Variants in TTLL11 observed in about 807,000 individuals in gnomAD.
TTLL11 encodes tubulin polyglutamylase TTLL11.
TTLL11 carries 42 observed loss-of-function variants against 51.7 expected under a neutral mutation model. That is an observed-to-expected ratio of 0.81 (90% CI 0.64 to 1.05). The LOEUF is 1.05. Among genes scored for constraint, TTLL11 ranks in the 50% least tolerant of loss-of-function variants. The pLI is 0.00. For synonymous variants in TTLL11, 381 were observed against 383.5 expected, an observed-to-expected ratio of 0.99 and a Z score of 0.08; for missense variants, 799 against 940.4, an observed-to-expected ratio of 0.85 and a Z score of 1.97.
chr9:121,923,850 T>G (rs1409678076), intron 6 of TTLL11, among the ~76,000 whole-genome samples: 1 of 152,138 alleles, frequency 6.6e-6, no homozygotes, highest in African/African-American at 2.4e-5. Context: ...GCTAGAGAAG[T>G]GATATGGTTT....
rs193113647 is a variant in TTLL11 at position 121,941,908 on chromosome 9, C to A, written c.1481+32101G>T. On this transcript the variant is annotated intron_variant, in intron 6 of 8. Coordinates refer to ENST00000321582, the MANE Select transcript of TTLL11 (RefSeq NM_001139442.2). Reference sequence around the variant, plus strand: ...CCCAGCAGGAATCCTGCCACCCCTGCCTCCAAACACTCTGACCCTTCCCTC... The same window carrying A: ...CCCAGCAGGAATCCTGCCACCCCTGACTCCAAACACTCTGACCCTTCCCTC... 2.1e-4 allele frequency among the ~76,000 whole-genome samples: 32 copies of A among 152,262 alleles called. No individual in the cohort carries two copies. The East Asian group carries it at 5.4e-3, about 26-fold the overall frequency.
intron 6 of TTLL11, among the ~76,000 whole-genome samples, chr9:121,893,771 AT>A (rs893550849): frequency 2.6e-5 from 4 of 152,208 alleles, no homozygotes; most frequent in African/African-American, 9.6e-5. Context: ...GTACCCAAGG[AT>A]GGAAAGCTTT....
intron 6 of TTLL11, among the ~76,000 whole-genome samples, chr9:121,882,102 G>C (rs950970895): frequency 1.2e-4 from 19 of 152,230 alleles, no homozygotes; most frequent in African/African-American, 4.6e-4. Flanking sequence ...CACTCAGTAA[G>C]TGTTAGCTGC....
chr9:121,906,963 T>C (rs1839970005), intron 6 of TTLL11, among the ~76,000 whole-genome samples: 1 of 152,078 alleles, frequency 6.6e-6, no homozygotes. Context: ...TTTCCAGATT[T>C]CAAACAGCTG....
intron 6 of TTLL11, among the ~76,000 whole-genome samples, chr9:121,888,768 C>T (rs1212633308): frequency 6.6e-5 from 10 of 152,224 alleles, no homozygotes; most frequent in African/African-American, 2.4e-4. Context: ...GTGAATTTTT[C>T]CTTGCATAAC....
At chr9:121,998,384 T>C (rs562028845) in intron 3 of TTLL11, among the ~76,000 whole-genome samples, 8 of 152,234 alleles carry the variant, frequency 5.3e-5, no homozygotes, top group Non-Finnish European at 7.4e-5. Context: ...CCTCCTGGGT[T>C]CAAGCGATTC....
At chr9:122,045,409 C>T (rs1000165640) in intron 1 of TTLL11, among the ~76,000 whole-genome samples, 5 of 151,976 alleles carry the variant, frequency 3.3e-5, no homozygotes, top group East Asian at 1.9e-4. Flanking sequence ...AAAAATTAGC[C>T]GGGCGTCGTG....
intron 6 of TTLL11, among the ~76,000 whole-genome samples, chr9:121,933,929 C>A (rs1261713852): frequency 6.6e-6 from 1 of 152,110 alleles, no homozygotes; most frequent in South Asian, 2.1e-4. Flanking sequence ...TACTCTGTTA[C>A]ATTTAAATCC....
intron 6 of TTLL11, among the ~76,000 whole-genome samples, chr9:121,972,139 A>G (rs1842596104): frequency 6.6e-6 from 1 of 152,146 alleles, no homozygotes; most frequent in Admixed American, 6.5e-5. Flanking sequence ...AAAAAGAAAA[A>G]AAAAAAAAAA....
intron 6 of TTLL11, among the ~76,000 whole-genome samples, chr9:121,966,315 T>C (rs1842396630): frequency 6.6e-6 from 1 of 152,166 alleles, no homozygotes; most frequent in Non-Finnish European, 1.5e-5. Flanking sequence ...TTGCGTGGCA[T>C]CATGATATCA....
intron 1 of TTLL11, among the ~76,000 whole-genome samples, chr9:122,042,770 G>A (rs995622987): frequency 3.3e-5 from 5 of 152,096 alleles, no homozygotes; most frequent in Non-Finnish European, 7.4e-5. Context: ...AAAAAGAAAT[G>A]AGCTGTCAAG....
intron 8 of TTLL11, among the ~76,000 whole-genome samples, chr9:121,855,641 T>C (rs7875353): frequency 0.064 from 9,812 of 152,202 alleles, 722 homozygotes; most frequent in African/African-American, 0.18. Context: ...CAAATGGGCG[T>C]TCAGAGGAGG....
intron 1 of TTLL11, among the ~76,000 whole-genome samples, chr9:122,050,241 GTTA>G (rs1845121407): frequency 6.6e-6 from 1 of 152,220 alleles, no homozygotes; most frequent in African/African-American, 2.4e-5. Flanking sequence ...TATGAGACAA[GTTA>G]TTATTTTTAA....
At chr9:122,023,418 G>A (rs1244404959) in intron 3 of TTLL11, among the ~76,000 whole-genome samples, 1 of 151,814 alleles carries the variant, frequency 6.6e-6, no homozygotes, top group Non-Finnish European at 1.5e-5. Context: ...AAATTTAAAA[G>A]TAGAAAATAT....
At chr9:121,862,644 G>T (rs1046386807) in intron 7 of TTLL11, among the ~76,000 whole-genome samples, 3 of 152,224 alleles carry the variant, frequency 2.0e-5, no homozygotes, top group Non-Finnish European at 4.4e-5. Context: ...TTGTCCAGGT[G>T]CACCCCTGTC....
intron 6 of TTLL11, among the ~76,000 whole-genome samples, chr9:121,926,042 C>T (rs576618919): frequency 4.6e-5 from 7 of 152,324 alleles, no homozygotes; most frequent in Admixed American, 1.3e-4. Context: ...CCAGTTTACG[C>T]GTGTGAAGGC....
At chr9:121,826,211 TATATATGCAC>T (rs1564259974) in intron 8 of TTLL11, among the ~76,000 whole-genome samples, 1 of 112,476 alleles carries the variant, frequency 8.9e-6, no homozygotes, top group Admixed American at 8.6e-5. Context: ...TATATATATA[TATATATGCAC>T]ACATATATAT....
At chr9:121,913,547 TCTTTCATAC>T (rs1840219819) in intron 6 of TTLL11, among the ~76,000 whole-genome samples, 1 of 152,256 alleles carries the variant, frequency 6.6e-6, no homozygotes, top group Non-Finnish European at 1.5e-5. Flanking sequence ...ATGTTGCTTA[TCTTTCATAC>T]CTGGTGATTA....
chr9:121,951,642 AT>A (rs1422761261), intron 6 of TTLL11, among the ~76,000 whole-genome samples: 1 of 152,208 alleles, frequency 6.6e-6, no homozygotes, highest in Non-Finnish European at 1.5e-5. Context: ...AAGTAGAAGA[AT>A]TCCTCTGGAA....
Sources: gnomAD v4.1 joint callset for allele counts (sites outside exome capture counted in the v4.1 genomes callset) on GRCh38, gnomAD v4.1.1 for gene constraint, MANE v1.5 for transcripts, NCBI Gene and HGNC (gene_info 2026-07-23, HGNC 2026-07-21) for gene names.